GNG2: variants seen among roughly 807,000 people sequenced by gnomAD.
GNG2 encodes the protein G protein subunit gamma 2, also known as guanine nucleotide-binding protein G(I)/G(S)/G(O) subunit gamma-2.
In GNG2, 5 loss-of-function variants were observed where a neutral mutation model predicts 5.5. That is an observed-to-expected ratio of 0.91 (90% CI 0.48 to 1.92). The LOEUF is 1.92. Ranked by LOEUF, GNG2 falls within the 30% of genes most tolerant of loss-of-function variation. The pLI, the probability that GNG2 is intolerant of heterozygous loss-of-function variation, is 0.01. For synonymous variants in GNG2, 28 were observed against 32.0 expected (o/e 0.88, Z 0.42); for missense variants, 55 against 88.4 (o/e 0.62, Z 1.52).
chr14:51,899,846 TC>T (rs1885438782), intron 2 of GNG2, among the ~76,000 whole-genome samples: 1 of 152,252 alleles, frequency 6.6e-6, no homozygotes, highest in African/African-American at 2.4e-5. Context: ...GAATTTCCAT[TC>T]TTTTCACAGT....
At chr14:51,839,757 T>C (rs1409303585) in intron 2 of GNG2, among the ~76,000 whole-genome samples, 5 of 152,210 alleles carry the variant, frequency 3.3e-5, no homozygotes, top group Non-Finnish European at 5.9e-5. Context: ...TAAATTTTGC[T>C]ATATGCAAAT....
intron 2 of GNG2, among the ~76,000 whole-genome samples, chr14:51,892,002 T>C (rs1884888092): frequency 6.6e-6 from 1 of 152,244 alleles, no homozygotes; most frequent in African/African-American, 2.4e-5. Context: ...GGTTGACCAT[T>C]AGTGGTTATA....
At chr14:51,888,854 G>A (rs1051139219) in intron 2 of GNG2, among the ~76,000 whole-genome samples, 2 of 152,090 alleles carry the variant, frequency 1.3e-5, no homozygotes, top group African/African-American at 4.8e-5. Context: ...ACATAAATGT[G>A]GTGTATCTAT....
intron 2 of GNG2, among the ~76,000 whole-genome samples, chr14:51,923,426 T>A (rs1024706027): frequency 1.3e-5 from 2 of 152,124 alleles, no homozygotes; most frequent in African/African-American, 4.8e-5. Flanking sequence ...TGTTCACTTT[T>A]CCCCATACAT....
chr14:51,898,413 G>T (rs952030726), intron 2 of GNG2, among the ~76,000 whole-genome samples: 1 of 152,108 alleles, frequency 6.6e-6, no homozygotes, highest in Non-Finnish European at 1.5e-5. Context: ...GACCTGGCCA[G>T]GAGAAATGAT....
intron 2 of GNG2, among the ~76,000 whole-genome samples, chr14:51,925,458 C>T (rs1024556902): frequency 2.0e-5 from 3 of 152,182 alleles, no homozygotes; most frequent in Non-Finnish European, 4.4e-5. Context: ...AACCTCTTCC[C>T]AACCCATGGT....
intron 2 of GNG2, among the ~76,000 whole-genome samples, chr14:51,890,305 C>T (rs775672991): frequency 1.3e-5 from 2 of 152,288 alleles, no homozygotes; most frequent in Middle Eastern, 3.4e-3. Context: ...CCTGAGTACA[C>T]GAGATTTGTG....
intron 2 of GNG2, among the ~76,000 whole-genome samples, chr14:51,887,529 G>A (rs1233212023): frequency 1.3e-5 from 2 of 152,094 alleles, no homozygotes; most frequent in South Asian, 2.1e-4. Context: ...ACAAAATGAT[G>A]GACAAAACAA....
chr14:51,966,221 A>AG (rs1889889875), intron 3 of GNG2, among the ~76,000 whole-genome samples: 1 of 146,586 alleles, frequency 6.8e-6, no homozygotes, highest in African/African-American at 2.5e-5. Context: ...AAAAAAAAAA[A>AG]AAAAAAAAAA....
chr14:51,875,307 T>A (rs1324753961), intron 1 of GNG2, among the ~76,000 whole-genome samples: 2 of 152,200 alleles, frequency 1.3e-5, no homozygotes, highest in Admixed American at 1.3e-4. Context: ...ATGGAAGAAG[T>A]TGGAAGGGGA....
At chr14:51,860,840 C>G (rs1882425287) in intron 1 of GNG2, 50 bp downstream of exon 1, 1 of 152,132 alleles carries the variant, frequency 6.6e-6, no homozygotes, top group African/African-American at 2.4e-5. Context: ...GAAAAACGAC[C>G]GTCGCTTGTG....
chr14:51,953,181 G>A (rs987493185), intron 3 of GNG2, among the ~76,000 whole-genome samples: 36 of 152,102 alleles, frequency 2.4e-4, no homozygotes, highest in Non-Finnish European at 2.1e-4. Flanking sequence ...AGTTTTCCTA[G>A]ACCCGCATCA....
chr14:51,934,653 T>A (rs1486550435), intron 2 of GNG2, among the ~76,000 whole-genome samples: 2 of 152,166 alleles, frequency 1.3e-5, no homozygotes, highest in East Asian at 3.9e-4. Context: ...GTACCCTCCA[T>A]GTTACCCCAC....
intron 2 of GNG2, among the ~76,000 whole-genome samples, chr14:51,846,901 G>C (rs1297635480): frequency 6.6e-6 from 1 of 152,106 alleles, no homozygotes; most frequent in Non-Finnish European, 1.5e-5. Context: ...TGATTCTTTT[G>C]GTTTTGTTTT....
Position 51,889,109 on chromosome 14 carries a change from C to CCTTTTTTTTTTT in GNG2, c.-30+11452_-30+11453insCTTTTTTTTTTT, listed in dbSNP as rs1445313036. Among the ~76,000 whole-genome samples the CCTTTTTTTTTTT allele has an allele frequency of 2.5e-5, 3 of 118,938 alleles. 1 individual carries two copies. The highest frequency in any genetic ancestry group is 3.1e-5 in the African/African-American group (1 of 32,388). 78.0% of individuals were successfully genotyped at this position (118,938 alleles called of 152,430 possible). ...GACTGCTAATGGGTATGGGTTTGCG[C>CCTTTTTTTTTTT]TTTTTTTTTTTTTTTTTTTTTGAGA... On this transcript the variant is annotated intron_variant, in intron 2 of 3. Transcript: ENST00000556766.
At chr14:51,872,032 A>G (rs1413210439) in intron 1 of GNG2, among the ~76,000 whole-genome samples, 2 of 152,208 alleles carry the variant, frequency 1.3e-5, no homozygotes, top group African/African-American at 4.8e-5. Flanking sequence ...AGGTGAGTGC[A>G]GTGGTTGAAG....
intron 2 of GNG2, among the ~76,000 whole-genome samples, chr14:51,935,595 G>C (rs1312636260): frequency 6.6e-6 from 1 of 152,200 alleles, no homozygotes; most frequent in Non-Finnish European, 1.5e-5. Context: ...AGTGCATCTA[G>C]CCAGGTGTCT....
At chr14:51,845,711 A>T (rs752679377) in intron 2 of GNG2, among the ~76,000 whole-genome samples, 1 of 152,152 alleles carries the variant, frequency 6.6e-6, no homozygotes, top group Non-Finnish European at 1.5e-5. Context: ...GAGAAGTCCC[A>T]TGGTAAATAA....
chr14:51,908,952 G>C (rs1886126738), intron 2 of GNG2, among the ~76,000 whole-genome samples: 1 of 151,824 alleles, frequency 6.6e-6, no homozygotes, highest in South Asian at 2.1e-4. Flanking sequence ...CACTTATAAA[G>C]TATAAATAAT....
Sources: allele counts gnomAD v4.1 joint callset (sites outside exome capture counted in the v4.1 genomes callset), GRCh38; gene constraint gnomAD v4.1.1; transcripts MANE v1.5; gene names NCBI Gene and HGNC (gene_info 2026-07-23, HGNC 2026-07-21).